The following ASTN2 variants were observed in gnomAD, a reference collection of about 807,000 sequenced individuals.
ASTN2 encodes the protein astrotactin 2, also known as astrotactin-2.
Under a neutral mutation model 139.8 loss-of-function variants are expected in ASTN2, and 54 were observed. The ratio of observed to expected loss-of-function variants is 0.39; its 90% CI spans 0.31 to 0.48. The LOEUF is 0.48. Among genes scored for constraint, ASTN2 ranks in the 20% least tolerant of loss-of-function variants. The pLI is 0.95. For missense variants in ASTN2, 1,565 were observed against 1,725.1 expected (o/e 0.91, Z 1.64); for synonymous variants, 756 against 719.5 (o/e 1.05, Z -0.81).
chr9:117,152,029 T>G (rs1830337242), intron 3 of ASTN2, among the ~76,000 whole-genome samples: 1 of 152,124 alleles, frequency 6.6e-6, no homozygotes, highest in African/African-American at 2.4e-5. Context: ...ATTATGTGAC[T>G]TTGGGTAAGT....
At position 116,894,758 on chromosome 9, in the gene ASTN2, T is replaced by C. The variant is rs1217762253; in HGVS notation, c.1890-31025A>G. Among the ~76,000 whole-genome samples, 10 of 152,264 alleles carry C rather than the reference T, an allele frequency of 6.6e-5. 1 individual carries two copies. The East Asian group carries it at 1.9e-3, about 29-fold the overall frequency. ...CGATGCCCAGCCTATTCTCATGTTG[T>C]AGGTCAGTAAAGAAGTTCAGAGAGG... On this transcript the variant is annotated intron_variant, in intron 10 of 22. Transcript: ENST00000313400.
intron 16 of ASTN2, among the ~76,000 whole-genome samples, chr9:116,687,700 G>C (rs1860339632): frequency 6.6e-6 from 1 of 151,942 alleles, no homozygotes; most frequent in Non-Finnish European, 1.5e-5. Context: ...ACGGGGTGTA[G>C]CATGTGGGAG....
At position 116,439,923 on chromosome 9, in the gene ASTN2, C is replaced by T. The variant is rs747836011; in HGVS notation, c.3782+686G>A. Among the ~76,000 whole-genome samples, 5 of 152,186 alleles carry T rather than the reference C, an allele frequency of 3.3e-5. No individual in the cohort carries two copies. In the East Asian group the frequency reaches 7.7e-4, roughly 23 times the overall value. Reference sequence around the variant, plus strand: ...GTAGCAACCATTTCTACCTTTTTATCGTTGCATTGTCAGCAGCCACCACAT... The same window carrying T: ...GTAGCAACCATTTCTACCTTTTTATTGTTGCATTGTCAGCAGCCACCACAT... On this transcript the variant is annotated intron_variant, in intron 22 of 22. Transcript: ENST00000313400.
At chr9:116,703,212 C>T (rs1827893701) in intron 16 of ASTN2, among the ~76,000 whole-genome samples, 1 of 151,648 alleles carries the variant, frequency 6.6e-6, no homozygotes, top group Admixed American at 6.6e-5. Context: ...TTTTGATTCG[C>T]ATTTCTCTGA....
chr9:117,363,011 A>C (rs1829735504), intron 1 of ASTN2, among the ~76,000 whole-genome samples: 1 of 152,020 alleles, frequency 6.6e-6, no homozygotes, highest in Non-Finnish European at 1.5e-5. Flanking sequence ...ATCCAAACCA[A>C]ATTTGGGGTG....
intron 19 of ASTN2, among the ~76,000 whole-genome samples, chr9:116,522,324 C>T (rs1279553294): frequency 6.6e-6 from 1 of 152,136 alleles, no homozygotes; most frequent in Non-Finnish European, 1.5e-5. Context: ...CCATGGAATA[C>T]TGCTCAGCTA....
At chr9:116,632,194 G>GAAAGAAA (rs71377258) in intron 17 of ASTN2, among the ~76,000 whole-genome samples, 1 of 42,034 alleles carries the variant, frequency 2.4e-5, no homozygotes, top group Non-Finnish European at 4.5e-5. Context: ...GGGAGAGAGA[G>GAAAGAAA]AGAAAGAAAG....
chr9:117,111,910 A>G (rs1829259811), intron 4 of ASTN2, among the ~76,000 whole-genome samples: 1 of 152,130 alleles, frequency 6.6e-6, no homozygotes, highest in South Asian at 2.1e-4. Context: ...AAGAATATAC[A>G]AAACAACTAT....
intron 2 of ASTN2, among the ~76,000 whole-genome samples, chr9:117,273,937 A>G (rs147420466): frequency 3.3e-5 from 5 of 152,206 alleles, no homozygotes; most frequent in African/African-American, 1.2e-4. Flanking sequence ...TCACTTGGTC[A>G]GGCCAGACAT....
chr9:116,614,050 G>T (rs998234086), intron 19 of ASTN2, among the ~76,000 whole-genome samples: 1 of 152,122 alleles, frequency 6.6e-6, no homozygotes, highest in Non-Finnish European at 1.5e-5. Context: ...AAATCAATCT[G>T]CAAAAATCAC....
intron 4 of ASTN2, among the ~76,000 whole-genome samples, chr9:117,135,156 A>C (rs929380378): frequency 6.6e-6 from 1 of 152,224 alleles, no homozygotes; most frequent in Admixed American, 6.5e-5. Flanking sequence ...CAAAGATCTT[A>C]GTTGTGGTAG....
chr9:116,492,732 T>C (rs1213061541), intron 19 of ASTN2, among the ~76,000 whole-genome samples: 1 of 152,218 alleles, frequency 6.6e-6, no homozygotes, highest in Non-Finnish European at 1.5e-5. Flanking sequence ...CCAGACACTG[T>C]GCTAGGTACA....
At chr9:116,791,033 AAGAAAGAAAGAAAAG>A (rs1282414618) in intron 13 of ASTN2, among the ~76,000 whole-genome samples, 2 of 105,802 alleles carry the variant, frequency 1.9e-5, no homozygotes, top group African/African-American at 6.4e-5. Flanking sequence ...GAAAGAAAGA[AAGAAAGAAAGAAAAG>A]AAAAGAAAGA....
chr9:117,331,304 C>G (rs573970479), intron 1 of ASTN2, among the ~76,000 whole-genome samples: 5 of 152,150 alleles, frequency 3.3e-5, no homozygotes, highest in Non-Finnish European at 1.5e-5. Context: ...CCCTTCTGTT[C>G]TTTGCATGAA....
chr9:117,106,447 C>G (rs968642661), intron 4 of ASTN2, among the ~76,000 whole-genome samples: 16 of 152,020 alleles, frequency 1.1e-4, no homozygotes, highest in Admixed American at 5.9e-4. Context: ...TATCCACCCC[C>G]CTCAGCCTCC....
intron 1 of ASTN2, among the ~76,000 whole-genome samples, chr9:117,398,698 T>A (rs1564184696): frequency 1.3e-5 from 2 of 152,180 alleles, no homozygotes; most frequent in Admixed American, 1.3e-4. Context: ...CTTTGAGGAA[T>A]GTGTTTGGGT....
intron 13 of ASTN2, among the ~76,000 whole-genome samples, chr9:116,799,304 A>G (rs1830779838): frequency 6.6e-6 from 1 of 152,164 alleles, no homozygotes; most frequent in Non-Finnish European, 1.5e-5. Context: ...AGTCTTGCCA[A>G]GCGTGGGTTG....
At chr9:117,391,031 T>C (rs1351822140) in intron 1 of ASTN2, among the ~76,000 whole-genome samples, 5 of 152,182 alleles carry the variant, frequency 3.3e-5, no homozygotes. Flanking sequence ...TTTGCATCCA[T>C]AGATTTACCC....
At chr9:116,532,986 C>A (rs1851427648) in intron 19 of ASTN2, among the ~76,000 whole-genome samples, 1 of 152,186 alleles carries the variant, frequency 6.6e-6, no homozygotes, top group African/African-American at 2.4e-5. Context: ...TTCTTCCTAT[C>A]CATGAGCATG....
Sources: allele counts gnomAD v4.1 joint callset (sites outside exome capture counted in the v4.1 genomes callset), GRCh38; gene constraint gnomAD v4.1.1; transcripts MANE v1.5; gene names NCBI Gene and HGNC (gene_info 2026-07-23, HGNC 2026-07-21).